ACSF3: variants seen among roughly 807,000 people sequenced by gnomAD.
ACSF3 encodes the protein malonate--CoA ligase ACSF3, mitochondrial.
A neutral mutation model predicts 53.2 loss-of-function variants in ACSF3; 78 were observed. The observed-to-expected ratio is 1.47, with a 90% CI of 1.22 to 1.77. The LOEUF is 1.77. Ranked by LOEUF, ACSF3 falls within the 40% of genes most tolerant of loss-of-function variation. ACSF3 has a pLI of 0.00. For synonymous variants in ACSF3, 414 were observed against 333.1 expected, an observed-to-expected ratio of 1.24 and a Z score of -2.65; for missense variants, 937 against 771.1, an observed-to-expected ratio of 1.22 and a Z score of -2.55.
At position 89,154,474 on chromosome 16, in the gene ACSF3, C is replaced by G. The variant is rs775497277; in HGVS notation, c.*267C>G. On this transcript the variant is annotated 3_prime_UTR_variant, in exon 11 of 11. Coordinates refer to ENST00000614302, the MANE Select transcript of ACSF3 (RefSeq NM_001243279.3). ...CTGTGCAGCGCGGTGCAGCCAGCCC[C>G]TGGCCCCACGTGCTGAGGCACCTCC... 4 of 612,542 alleles carry G rather than the reference C, an allele frequency of 6.5e-6. No individual in the cohort carries two copies. The highest frequency in any genetic ancestry group is 1.2e-5 in the Non-Finnish European group (4 of 329,160). 37.9% of individuals were successfully genotyped at this position (612,542 alleles called of 1,614,324 possible).
chr16:89,147,837 T>C (rs1436414899), intron 10 of ACSF3: 2 of 152,060 alleles, frequency 1.3e-5, no homozygotes, highest in Admixed American at 6.6e-5. Context: ...TTCCCAACAG[T>C]CCCCCAAGTC....
intron 8 of ACSF3, among the ~76,000 whole-genome samples, chr16:89,142,273 G>A (rs891590308): frequency 1.8e-4 from 28 of 152,264 alleles, no homozygotes; most frequent in African/African-American, 5.5e-4. Flanking sequence ...CACTGGCTCT[G>A]GAAGAAGCAT....
intron 4 of ACSF3, among the ~76,000 whole-genome samples, chr16:89,104,521 C>T (rs535239575): frequency 1.6e-4 from 24 of 152,350 alleles, no homozygotes; most frequent in Admixed American, 4.6e-4. Flanking sequence ...TCTGAGGCCT[C>T]TGACCGGGAG....
chr16:89,150,483 C>T, intron 10 of ACSF3: 1 of 163,120 alleles, frequency 6.1e-6, no homozygotes, highest in Non-Finnish European at 1.3e-5. Context: ...GTCCTCAGGG[C>T]TGCCCTCTGC....
chr16:89,106,908 G>T (rs546480515), intron 4 of ACSF3, among the ~76,000 whole-genome samples: 106 of 152,322 alleles, frequency 7.0e-4, no homozygotes, highest in African/African-American at 2.5e-3. Flanking sequence ...GGAGGATGCC[G>T]GAAGATGGAT....
chr16:89,099,269 G>C (rs1004704574), intron 2 of ACSF3, among the ~76,000 whole-genome samples: 2 of 152,256 alleles, frequency 1.3e-5, no homozygotes, highest in African/African-American at 4.8e-5. Context: ...CACGCGTCAG[G>C]AGCGTTGGGC....
intron 5 of ACSF3, chr16:89,114,011 C>G: frequency 2.6e-6 from 1 of 387,508 alleles, no homozygotes; most frequent in South Asian, 2.1e-5. Flanking sequence ...TGTTCTTGAG[C>G]GTGGTTGTGA....
chr16:89,096,979 G>A (rs1283648694), intron 1 of ACSF3, among the ~76,000 whole-genome samples: 1 of 152,232 alleles, frequency 6.6e-6, no homozygotes, highest in Middle Eastern at 3.2e-3. Context: ...TTCTCAGCCT[G>A]CACTTTGAGT....
chr16:89,153,417 G>C (rs977762356), intron 10 of ACSF3: 1 of 154,750 alleles, frequency 6.5e-6, no homozygotes, highest in Non-Finnish European at 1.4e-5. Flanking sequence ...CCGCCCGCCT[G>C]CATTGGCAGT....
At chr16:89,138,727 A>C (rs1911123315) in intron 8 of ACSF3, among the ~76,000 whole-genome samples, 1 of 152,232 alleles carries the variant, frequency 6.6e-6, no homozygotes, top group Non-Finnish European at 1.5e-5. Context: ...AGGGTGCCCC[A>C]GCCCTCCTGC....
intron 4 of ACSF3, among the ~76,000 whole-genome samples, chr16:89,103,639 T>C (rs4782453): frequency 0.7 from 106,401 of 151,414 alleles, 37,967 homozygotes; most frequent in Admixed American, 0.77. Context: ...GGCGTGACCC[T>C]TTGAGCTATG....
chr16:89,118,152 A>G (rs117221405), intron 6 of ACSF3, among the ~76,000 whole-genome samples: 5,272 of 131,192 alleles, frequency 0.04, 84 homozygotes, highest in East Asian at 0.14. Context: ...TCTCTTCTCT[A>G]AGGCAGAGCC....
intron 4 of ACSF3, among the ~76,000 whole-genome samples, chr16:89,104,498 G>C (rs998416106): frequency 6.6e-6 from 1 of 152,220 alleles, no homozygotes; most frequent in Non-Finnish European, 1.5e-5. Context: ...CCCCATCGAA[G>C]GCTGTGTGGA....
intron 7 of ACSF3, among the ~76,000 whole-genome samples, chr16:89,125,255 A>G (rs1004430231): frequency 1.6e-4 from 25 of 151,790 alleles, no homozygotes; most frequent in Non-Finnish European, 5.9e-5. Flanking sequence ...AGGCAAGAGA[A>G]TCACTTGAAA....
At chr16:89,102,782 G>A (rs1257744386) in intron 4 of ACSF3, 23 bp downstream of exon 4, 4 of 1,600,290 alleles carry the variant, frequency 2.5e-6, no homozygotes, top group South Asian at 2.2e-5. Flanking sequence ...CAGGGCTCTC[G>A]GTTGCACCCT....
At chr16:89,098,851 A>G (rs899855894) in intron 2 of ACSF3, 88 bp downstream of exon 2, 1 of 447,718 alleles carries the variant, frequency 2.2e-6, no homozygotes, top group Non-Finnish European at 4.5e-6. Context: ...GGTTGAGGCA[A>G]AATGCTGAGA....
intron 7 of ACSF3, among the ~76,000 whole-genome samples, chr16:89,123,270 C>A (rs1257601637): frequency 6.6e-6 from 1 of 152,178 alleles, no homozygotes; most frequent in African/African-American, 2.4e-5. Context: ...TGGGTGGGCG[C>A]CCCAGGACAA....
intron 7 of ACSF3, among the ~76,000 whole-genome samples, 156 bp from the exon 8 acceptor site, chr16:89,132,980 T>C (rs1909647344): frequency 1.3e-5 from 2 of 152,218 alleles, no homozygotes. Context: ...CTGTCAAAGC[T>C]GCGTTTTCCA....
chr16:89,138,107 G>A (rs1910997027), intron 8 of ACSF3, among the ~76,000 whole-genome samples: 1 of 152,204 alleles, frequency 6.6e-6, no homozygotes, highest in South Asian at 2.1e-4. Flanking sequence ...GATTCCCTGT[G>A]GCGCCAGAGC....
Sources: allele counts gnomAD v4.1 joint callset (sites outside exome capture counted in the v4.1 genomes callset), GRCh38; gene constraint gnomAD v4.1.1; transcripts MANE v1.5; gene names NCBI Gene and HGNC (gene_info 2026-07-23, HGNC 2026-07-21).